Variants in DCDC1 observed in about 807,000 individuals in gnomAD.
The protein encoded by DCDC1 is doublecortin domain-containing protein 1.
In DCDC1, 200 loss-of-function variants were observed where a neutral mutation model predicts 178.3. The observed-to-expected ratio is 1.12, with a 90% CI of 1.00 to 1.26. DCDC1 has a LOEUF of 1.26. Among genes scored for constraint, DCDC1 ranks in the 50% most tolerant of loss-of-function variants. The pLI is 0.00. For synonymous variants in DCDC1, 690 were observed against 604.8 expected, an observed-to-expected ratio of 1.14 and a Z score of -2.07; for missense variants, 1,983 against 1,749.2, an observed-to-expected ratio of 1.13 and a Z score of -2.38.
intron 20 of DCDC1, among the ~76,000 whole-genome samples, chr11:30,963,181 C>A (rs1360353177): frequency 6.6e-6 from 1 of 152,190 alleles, no homozygotes; most frequent in East Asian, 1.9e-4. Flanking sequence ...ACAAGGAATA[C>A]AAAAGAAGTT....
chr11:31,188,002 T>C (rs1343244741), intron 9 of DCDC1, among the ~76,000 whole-genome samples: 1 of 152,134 alleles, frequency 6.6e-6, no homozygotes, highest in Non-Finnish European at 1.5e-5. Context: ...TTTTTTAATT[T>C]TTTTTCCTTT....
intron 2 of DCDC1, among the ~76,000 whole-genome samples, chr11:31,332,842 A>C (rs1950069677): frequency 1.3e-5 from 2 of 152,202 alleles, no homozygotes; most frequent in Admixed American, 1.3e-4. Flanking sequence ...TGGTGCTGAG[A>C]AGAATGTATA....
At chr11:31,218,129 G>GT (rs1484911017) in intron 9 of DCDC1, among the ~76,000 whole-genome samples, 3 of 150,976 alleles carry the variant, frequency 2.0e-5, no homozygotes, top group Non-Finnish European at 4.4e-5. Context: ...AAAAAAAGTC[G>GT]TAATATAAAT....
intron 34 of DCDC1, among the ~76,000 whole-genome samples, chr11:30,897,327 G>A (rs577569371): frequency 6.6e-6 from 1 of 152,242 alleles, no homozygotes; most frequent in African/African-American, 2.4e-5. Flanking sequence ...AGTGGCTCAT[G>A]CCTGTAATCC....
chr11:31,212,231 T>G (rs1405259609), intron 9 of DCDC1, among the ~76,000 whole-genome samples: 1 of 152,058 alleles, frequency 6.6e-6, no homozygotes, highest in Non-Finnish European at 1.5e-5. Context: ...AATGAAAAAT[T>G]TCACTGTAAA....
intron 14 of DCDC1, among the ~76,000 whole-genome samples, chr11:31,103,333 A>G (rs534965323): frequency 6.6e-6 from 1 of 152,344 alleles, no homozygotes; most frequent in East Asian, 1.9e-4. Context: ...TGATTCCATT[A>G]TAAATGATTA....
At chr11:30,885,049 T>C (rs2133996537) in intron 36 of DCDC1, among the ~76,000 whole-genome samples, 1 of 152,008 alleles carries the variant, frequency 6.6e-6, no homozygotes, top group Non-Finnish European at 1.5e-5. Context: ...TAAATCTATA[T>C]AATTTAAAAA....
At chr11:31,336,594 A>T (rs1286906979) in intron 1 of DCDC1, among the ~76,000 whole-genome samples, 5 of 152,242 alleles carry the variant, frequency 3.3e-5, no homozygotes, top group African/African-American at 1.2e-4. Context: ...TTGTATTGCA[A>T]TGTCCTAATG....
intron 9 of DCDC1, among the ~76,000 whole-genome samples, chr11:31,221,087 C>T (rs555258435): frequency 3.3e-5 from 5 of 152,276 alleles, no homozygotes; most frequent in African/African-American, 1.2e-4. Context: ...AACACAAAGT[C>T]CATAATATTC....
intron 18 of DCDC1, among the ~76,000 whole-genome samples, chr11:31,067,111 T>G (rs479126): frequency 0.12 from 18,773 of 152,108 alleles, 1,352 homozygotes; most frequent in East Asian, 0.29. Context: ...ATCAAAATTT[T>G]TAAAAAATTG....
chr11:31,296,582 C>G (rs1301491807), intron 6 of DCDC1, among the ~76,000 whole-genome samples: 1 of 152,150 alleles, frequency 6.6e-6, no homozygotes. Context: ...CGCTCCACTA[C>G]CTGGTACCAA....
At chr11:30,865,965 T>A (rs539276466) in intron 38 of DCDC1, among the ~76,000 whole-genome samples, 1 of 152,212 alleles carries the variant, frequency 6.6e-6, no homozygotes, top group African/African-American at 2.4e-5. Context: ...AAAATTCACA[T>A]GTCAAAATCC....
At chr11:31,222,211 C>A (rs1425831315) in intron 9 of DCDC1, among the ~76,000 whole-genome samples, 1 of 152,008 alleles carries the variant, frequency 6.6e-6, no homozygotes, top group Admixed American at 6.6e-5. Flanking sequence ...TACAGGCATG[C>A]ACCACCAGGT....
intron 1 of DCDC1, among the ~76,000 whole-genome samples, chr11:31,347,573 T>C (rs1292039547): frequency 2.0e-5 from 3 of 151,972 alleles, no homozygotes; most frequent in Non-Finnish European, 1.5e-5. Flanking sequence ...GGGAAAGCAA[T>C]GAAATAGGTT....
chr11:31,247,910 T>TTACAAACC (rs1943691483), intron 8 of DCDC1, among the ~76,000 whole-genome samples: 1 of 152,128 alleles, frequency 6.6e-6, no homozygotes, highest in Non-Finnish European at 1.5e-5. Flanking sequence ...TATTTAGTAG[T>TTACAAACC]AATGTAAAAT....
chr11:31,348,590 T>C (rs1950923361), intron 1 of DCDC1, among the ~76,000 whole-genome samples: 1 of 152,174 alleles, frequency 6.6e-6, no homozygotes, highest in Admixed American at 6.5e-5. Context: ...CCTCCACCAA[T>C]GCTGAAACGG....
chr11:31,338,084 G>A (rs1950360550), intron 1 of DCDC1, among the ~76,000 whole-genome samples: 1 of 152,132 alleles, frequency 6.6e-6, no homozygotes, highest in Non-Finnish European at 1.5e-5. Context: ...CAATGTACAA[G>A]GAAGACCCTT....
At chr11:31,130,208 C>T (rs1331183791) in intron 10 of DCDC1, among the ~76,000 whole-genome samples, 2 of 152,168 alleles carry the variant, frequency 1.3e-5, no homozygotes, top group Non-Finnish European at 2.9e-5. Flanking sequence ...CTCTAGCAGA[C>T]CTTCCAGCAC....
intron 17 of DCDC1, among the ~76,000 whole-genome samples, chr11:31,087,504 C>A (rs911819024): frequency 6.6e-6 from 1 of 151,992 alleles, no homozygotes; most frequent in African/African-American, 2.4e-5. Flanking sequence ...CTGAAAACCT[C>A]GGCAGTGTTT....
Sources: allele counts gnomAD v4.1 joint callset (sites outside exome capture counted in the v4.1 genomes callset), GRCh38; gene constraint gnomAD v4.1.1; transcripts MANE v1.5; gene names NCBI Gene and HGNC (gene_info 2026-07-23, HGNC 2026-07-21).